PKHD1: variants seen among roughly 807,000 people sequenced by gnomAD.
PKHD1 encodes fibrocystin.
Under a neutral mutation model 412.0 loss-of-function variants are expected in PKHD1, and 291 were observed. The observed-to-expected ratio is 0.71, with a 90% CI of 0.64 to 0.78. The LOEUF (loss-of-function observed/expected upper bound fraction) is 0.78. Among genes scored for constraint, PKHD1 ranks in the 30% least tolerant of loss-of-function variants. The probability of loss-of-function intolerance (pLI) is 0.00; values close to 1 mark genes in which losing one functional copy is unlikely to be tolerated. For synonymous variants in PKHD1, 1,777 were observed against 1,821.5 expected (o/e 0.98, Z 0.62); for missense variants, 4,825 against 4,950.7 (o/e 0.97, Z 0.76).
At chr6:52,074,766 C>T (rs1811114964) in intron 6 of PKHD1, among the ~76,000 whole-genome samples, 1 of 152,138 alleles carries the variant, frequency 6.6e-6, no homozygotes, top group Non-Finnish European at 1.5e-5. Flanking sequence ...CCCCCATCTC[C>T]CTGGCTGCTA....
chr6:51,910,681 A>T (rs967214863), intron 39 of PKHD1, among the ~76,000 whole-genome samples: 1 of 152,194 alleles, frequency 6.6e-6, no homozygotes, highest in African/African-American at 2.4e-5. Context: ...TTGGCAAAAT[A>T]TGATCTCAGA....
chr6:51,995,548 T>C (rs988829947), intron 35 of PKHD1, among the ~76,000 whole-genome samples: 3 of 152,214 alleles, frequency 2.0e-5, no homozygotes, highest in African/African-American at 4.8e-5. Flanking sequence ...CTTTGTTCCT[T>C]ATCTTCCCTT....
chr6:51,691,349 T>C (rs1388105383), intron 60 of PKHD1, among the ~76,000 whole-genome samples: 2 of 152,130 alleles, frequency 1.3e-5, no homozygotes, highest in African/African-American at 2.4e-5. Flanking sequence ...TAAAGACACA[T>C]GCATGAATAT....
At chr6:52,056,576 G>A in intron 18 of PKHD1, 122 bp downstream of exon 18, 1 of 827,296 alleles carries the variant, frequency 1.2e-6, no homozygotes, top group Non-Finnish European at 2.1e-6. Context: ...TCCAAATCCA[G>A]GTTTCATATT....
chr6:52,068,589 T>C (rs962521945), intron 11 of PKHD1, among the ~76,000 whole-genome samples: 4 of 152,204 alleles, frequency 2.6e-5, no homozygotes, highest in Non-Finnish European at 5.9e-5. Context: ...ATCTGTAAAA[T>C]GGGGCTAATG....
intron 34 of PKHD1, among the ~76,000 whole-genome samples, chr6:52,015,109 CT>C (rs1178990752): frequency 6.6e-6 from 1 of 152,130 alleles, no homozygotes; most frequent in Non-Finnish European, 1.5e-5. Flanking sequence ...AATTGATATA[CT>C]CTTTTGAGAC....
At chr6:51,839,935 C>T (rs1300361391) in intron 50 of PKHD1, among the ~76,000 whole-genome samples, 2 of 152,118 alleles carry the variant, frequency 1.3e-5, no homozygotes, top group East Asian at 3.9e-4. Flanking sequence ...CCCACCCTGA[C>T]TCATGACTTC....
intron 60 of PKHD1, among the ~76,000 whole-genome samples, chr6:51,667,363 A>G: frequency 6.6e-6 from 1 of 151,588 alleles, no homozygotes; most frequent in South Asian, 2.1e-4. Flanking sequence ...GTGTCTGTTC[A>G]TGTCCTTTGC....
intron 64 of PKHD1, among the ~76,000 whole-genome samples, chr6:51,633,904 T>C (rs1295583051): frequency 1.3e-5 from 2 of 152,170 alleles, no homozygotes; most frequent in East Asian, 3.8e-4. Context: ...ATAAATTGTT[T>C]GAAAACTTGC....
At chr6:51,933,226 G>GA (rs535421246) in intron 37 of PKHD1, among the ~76,000 whole-genome samples, 15 of 152,036 alleles carry the variant, frequency 9.9e-5, no homozygotes, top group South Asian at 4.2e-4. Flanking sequence ...TCTCAAGAGG[G>GA]AAAAAAAATG....
intron 60 of PKHD1, among the ~76,000 whole-genome samples, chr6:51,735,985 T>C (rs1262398336): frequency 6.6e-6 from 1 of 152,152 alleles, no homozygotes; most frequent in East Asian, 1.9e-4. Context: ...CCTTGTTAAT[T>C]AGCTTTAGGA....
At chr6:51,672,297 T>C (rs1775132653) in intron 60 of PKHD1, among the ~76,000 whole-genome samples, 1 of 152,210 alleles carries the variant, frequency 6.6e-6, no homozygotes, top group Non-Finnish European at 1.5e-5. Context: ...AGTTTCCCCT[T>C]AGCTAGATTT....
chr6:51,764,328 A>G (rs1214804828), intron 55 of PKHD1, among the ~76,000 whole-genome samples: 54 of 139,938 alleles, frequency 3.9e-4, no homozygotes, highest in African/African-American at 1.2e-3. Context: ...CATCATCACC[A>G]GCCATCAGAG....
At chr6:51,998,298 G>A (rs1370526680) in intron 35 of PKHD1, among the ~76,000 whole-genome samples, 1 of 151,960 alleles carries the variant, frequency 6.6e-6, no homozygotes, top group African/African-American at 2.4e-5. Flanking sequence ...CAAGTCCTAT[G>A]GCCCTATCAA....
At chr6:51,930,766 A>G (rs2127754117) in intron 37 of PKHD1, among the ~76,000 whole-genome samples, 1 of 152,366 alleles carries the variant, frequency 6.6e-6, no homozygotes, top group African/African-American at 2.4e-5. Flanking sequence ...ACTGGGACCC[A>G]TGCAAATAGT....
intron 51 of PKHD1, among the ~76,000 whole-genome samples, chr6:51,833,078 T>G (rs773970183): frequency 3.9e-5 from 6 of 152,148 alleles, no homozygotes; most frequent in South Asian, 2.1e-4. Context: ...GTAAGGGGTA[T>G]TTGTCAGGGT....
At chr6:51,664,751 A>T (rs1044618160) in intron 60 of PKHD1, among the ~76,000 whole-genome samples, 6 of 152,140 alleles carry the variant, frequency 3.9e-5, no homozygotes, top group Admixed American at 2.0e-4. Flanking sequence ...TTGCAAAGGA[A>T]CTAGTGCAGT....
Position 52,042,353 on chromosome 6 carries a change from T to G in PKHD1, c.3097+506A>C, listed in dbSNP as rs1241649544. Among the ~76,000 whole-genome samples, 4 of 152,206 alleles carry G rather than the reference T, an allele frequency of 2.6e-5. No individual in the cohort carries two copies. The South Asian group carries it at 6.2e-4, about 24-fold the overall frequency. On this transcript the variant is annotated intron_variant, in intron 27 of 66. Coordinates refer to ENST00000371117, the MANE Select transcript of PKHD1 (RefSeq NM_138694.4). ...GGAAAAGGGCTTTATGCTCTAATGT[T>G]TATTCGTTAACAAACATAAGCATCA...
chr6:51,733,703 T>TA (rs546811900), intron 60 of PKHD1, among the ~76,000 whole-genome samples: 93 of 152,328 alleles, frequency 6.1e-4, no homozygotes, highest in African/African-American at 2.1e-3. Context: ...TGGCTTATTA[T>TA]AAAATCATTG....
Sources: gnomAD v4.1 joint callset for allele counts (sites outside exome capture counted in the v4.1 genomes callset) on GRCh38, gnomAD v4.1.1 for gene constraint, MANE v1.5 for transcripts, NCBI Gene and HGNC (gene_info 2026-07-23, HGNC 2026-07-21) for gene names.